FRYL: variants seen among roughly 807,000 people sequenced by gnomAD.
FRYL encodes the protein protein furry homolog-like.
Under a neutral mutation model 351.2 loss-of-function variants are expected in FRYL, and 150 were observed. That is an observed-to-expected ratio of 0.43 (90% confidence interval 0.37 to 0.49). FRYL has a LOEUF of 0.49. Ranked by LOEUF, FRYL falls within the 20% of genes least tolerant of loss-of-function variation. FRYL has a pLI of 0.00. For synonymous variants in FRYL, 1,153 were observed against 1,257.1 expected, an observed-to-expected ratio of 0.92 and a Z score of 1.75; for missense variants, 3,036 against 3,619.3, an observed-to-expected ratio of 0.84 and a Z score of 4.13.
At chr4:48,685,219 AT>A (rs1266072361) in intron 2 of FRYL, among the ~76,000 whole-genome samples, 1 of 152,210 alleles carries the variant, frequency 6.6e-6, no homozygotes, top group Non-Finnish European at 1.5e-5. Context: ...TACCATTATA[AT>A]GCTTACATTA....
At chr4:48,606,097 G>GAAAA (rs59467789) in intron 10 of FRYL, among the ~76,000 whole-genome samples, 4 of 57,542 alleles carry the variant, frequency 7.0e-5, no homozygotes, top group Non-Finnish European at 1.3e-4. Context: ...CTCTACTAAA[G>GAAAA]AAAAAAAAAA....
intron 2 of FRYL, among the ~76,000 whole-genome samples, chr4:48,688,405 A>T (rs1024057022): frequency 6.6e-6 from 1 of 152,194 alleles, no homozygotes; most frequent in Non-Finnish European, 1.5e-5. Context: ...AAAACAAGAA[A>T]AATTTGCTCA....
chr4:48,510,511 C>G (rs1430175768), intron 58 of FRYL, among the ~76,000 whole-genome samples: 4 of 152,072 alleles, frequency 2.6e-5, no homozygotes, highest in Admixed American at 2.6e-4. Flanking sequence ...AACCAGGAGG[C>G]CTGGGTATTT....
In FRYL at chr4:48,557,505, G is replaced by A. The variant is rs1398494825; in HGVS notation, c.4073C>T (p.Ser1358Phe). The change falls in exon 34 of 64, where the codon TCT becomes TTT. Residue 1358 changes from serine (S) to phenylalanine (F), a missense_variant. By Grantham distance (155) the Ser-to-Phe change is radical. Coordinates refer to ENST00000358350, the MANE Select transcript of FRYL (RefSeq NM_015030.2). ...CAAAACCATTGCAGTGGCTTGTGGA[G>A]ATCCCCATCCTTCTCCCCGTAACCA... Reference protein sequence around the residue: ...RRWLRGEGWGSPQATAMVLNN... With the variant: ...RRWLRGEGWGFPQATAMVLNN... The A allele has an allele frequency of 6.2e-7, 1 of 1,614,110 alleles. No individual in the cohort carries two copies. The highest frequency in any genetic ancestry group is 1.7e-5 in the Admixed American group (1 of 60,022).
At chr4:48,716,820 C>A (rs538846557) in intron 1 of FRYL, among the ~76,000 whole-genome samples, 1 of 151,334 alleles carries the variant, frequency 6.6e-6, no homozygotes, top group African/African-American at 2.4e-5. Context: ...GACACATGCA[C>A]ATGTATGTTT....
intron 59 of FRYL, among the ~76,000 whole-genome samples, chr4:48,506,828 T>C (rs1049574489): frequency 3.9e-5 from 6 of 151,902 alleles, no homozygotes; most frequent in African/African-American, 4.8e-5. Context: ...AATGATCTCT[T>C]TGACCTTATT....
intron 7 of FRYL, among the ~76,000 whole-genome samples, chr4:48,615,145 AT>A (rs1376348819): frequency 6.6e-6 from 1 of 152,170 alleles, no homozygotes; most frequent in Non-Finnish European, 1.5e-5. Flanking sequence ...CTTTTATCAC[AT>A]TATGAAAGTA....
At chr4:48,521,683 T>G (rs1483330298) in intron 54 of FRYL, among the ~76,000 whole-genome samples, 1 of 152,202 alleles carries the variant, frequency 6.6e-6, no homozygotes, top group Non-Finnish European at 1.5e-5. Context: ...AGGAGAGTTA[T>G]GGTAACTAAT....
At chr4:48,674,363 C>T (rs560320842) in intron 3 of FRYL, among the ~76,000 whole-genome samples, 4 of 151,754 alleles carry the variant, frequency 2.6e-5, no homozygotes, top group Non-Finnish European at 4.4e-5. Flanking sequence ...CACACACATA[C>T]AAAAAAACAG....
chr4:48,669,825 C>G (rs1762357680), intron 3 of FRYL, among the ~76,000 whole-genome samples: 1 of 151,820 alleles, frequency 6.6e-6, no homozygotes, highest in African/African-American at 2.4e-5. Context: ...CTAAATTTAA[C>G]CATACTTAAC....
At chr4:48,752,353 A>G (rs1773333408) in intron 1 of FRYL, among the ~76,000 whole-genome samples, 2 of 122,138 alleles carry the variant, frequency 1.6e-5, no homozygotes, top group African/African-American at 6.0e-5. Context: ...CCTCTAATGA[A>G]CCATCTTGAC....
At chr4:48,540,219 T>A in intron 46 of FRYL, 134 bp downstream of exon 46, 1 of 1,217,646 alleles carries the variant, frequency 8.2e-7, no homozygotes, top group Non-Finnish European at 1.1e-6. Flanking sequence ...TTTTACCAAA[T>A]AATTTAAGCT....
intron 25 of FRYL, 129 bp downstream of exon 25, chr4:48,574,988 G>A: frequency 1.5e-6 from 1 of 655,728 alleles, no homozygotes; most frequent in East Asian, 2.8e-5. Context: ...GTTAATTGGT[G>A]AAAGTCAGGC....
At chr4:48,575,286 T>C (rs375155825) in intron 24 of FRYL, 45 bp from the exon 25 acceptor site, 12 of 1,586,858 alleles carry the variant, frequency 7.6e-6, no homozygotes, top group African/African-American at 1.3e-5. Flanking sequence ...AATGATACTA[T>C]GTCCAATTAG....
intron 18 of FRYL, among the ~76,000 whole-genome samples, chr4:48,587,237 T>C (rs930242791): frequency 1.2e-4 from 19 of 152,064 alleles, no homozygotes; most frequent in African/African-American, 4.6e-4. Context: ...GTCCTGTATG[T>C]GACACACACA....
chr4:48,690,260 T>C (rs1442893438), intron 2 of FRYL, among the ~76,000 whole-genome samples: 2 of 152,124 alleles, frequency 1.3e-5, no homozygotes, highest in African/African-American at 4.8e-5. Flanking sequence ...TTCTTTTTTT[T>C]CCATTAAACC....
At chr4:48,765,111 G>A (rs947941555) in intron 1 of FRYL, among the ~76,000 whole-genome samples, 18 of 152,252 alleles carry the variant, frequency 1.2e-4, no homozygotes, top group East Asian at 5.8e-4. Flanking sequence ...CCAAAGTGCC[G>A]GGATTACAGG....
At chr4:48,538,873 C>A (rs184225322) in intron 47 of FRYL, among the ~76,000 whole-genome samples, 2 of 151,404 alleles carry the variant, frequency 1.3e-5, no homozygotes, top group Admixed American at 6.6e-5. Context: ...GTCTGAAAAG[C>A]CTTTTTTCCT....
intron 1 of FRYL, among the ~76,000 whole-genome samples, chr4:48,773,075 A>G (rs1174070754): frequency 6.6e-6 from 1 of 152,228 alleles, no homozygotes; most frequent in East Asian, 1.9e-4. Context: ...AATGATCAGA[A>G]GCCTGTAAAA....
Sources: gnomAD v4.1 joint callset for allele counts (sites outside exome capture counted in the v4.1 genomes callset) on GRCh38, gnomAD v4.1.1 for gene constraint, MANE v1.5 for transcripts, NCBI Gene and HGNC (gene_info 2026-07-23, HGNC 2026-07-21) for gene names.